The following ERI3 variants were observed in gnomAD, a reference collection of about 807,000 sequenced individuals.
The protein encoded by ERI3 is ERI1 exoribonuclease family member 3, also known as ERI1 exoribonuclease 3.
ERI3 carries 18 observed loss-of-function variants against 44.4 expected under a neutral mutation model. The observed-to-expected ratio is 0.41, with a 90% CI of 0.28 to 0.60. The LOEUF is 0.60. ERI3 is among the 20% of genes least tolerant of loss of function. The pLI is 0.36. For synonymous variants in ERI3, 183 were observed against 164.8 expected (o/e 1.11, Z -0.84); for missense variants, 294 against 435.5 (o/e 0.68, Z 2.89).
intron 6 of ERI3, among the ~76,000 whole-genome samples, chr1:44,286,942 T>A (rs898567111): frequency 6.6e-6 from 1 of 152,230 alleles, no homozygotes; most frequent in South Asian, 2.1e-4. Flanking sequence ...CCTATCCCCA[T>A]TCCCAAAGGG....
chr1:44,338,346 G>C (rs916740740), intron 3 of ERI3, among the ~76,000 whole-genome samples: 1 of 152,138 alleles, frequency 6.6e-6, no homozygotes, highest in African/African-American at 2.4e-5. Flanking sequence ...ATGTCCACCG[G>C]GGCTGCAGTC....
rs1217205131 is a variant in ERI3 at position 44,308,187 on chromosome 1, T to C, written c.758+123A>G. ...GCTCCCAACCGTCTTCTATCCCTGA[T>C]AGCCTCAAAGACCTGAAGAATCCCT... On this transcript the variant is annotated intron_variant, in intron 6 of 8. Transcript: ENST00000372257. 9 of 741,860 alleles carry C rather than the reference T, an allele frequency of 1.2e-5. No homozygotes were observed. In the South Asian group the frequency reaches 1.3e-4, roughly 11 times the overall value. 46.0% of individuals were successfully genotyped at this position (741,860 alleles called of 1,614,324 possible).
intron 7 of ERI3, among the ~76,000 whole-genome samples, 157 bp downstream of exon 7, chr1:44,284,678 T>C (rs977121084): frequency 6.6e-6 from 1 of 151,900 alleles, no homozygotes; most frequent in African/African-American, 2.4e-5. Context: ...TAACCACATT[T>C]CAGTGCATAT....
At chr1:44,244,627 C>G (rs548043551) in intron 8 of ERI3, among the ~76,000 whole-genome samples, 10 of 152,080 alleles carry the variant, frequency 6.6e-5, no homozygotes, top group Non-Finnish European at 1.3e-4. Context: ...GCTTACCTTG[C>G]TGCCCCTCCC....
At chr1:44,311,590 C>T (rs1257015263) in intron 5 of ERI3, among the ~76,000 whole-genome samples, 2 of 152,118 alleles carry the variant, frequency 1.3e-5, no homozygotes, top group Admixed American at 1.3e-4. Context: ...CAGGGCTGGC[C>T]TAGGGTTAAC....
intron 3 of ERI3, chr1:44,322,840 A>C (rs1335917367): frequency 6.5e-7 from 1 of 1,549,384 alleles, no homozygotes; most frequent in Non-Finnish European, 8.7e-7. Flanking sequence ...ACAACTCTGC[A>C]GCCAGGGCAC....
At position 44,339,437 on chromosome 1, in the gene ERI3, AG is replaced by A. The variant is rs1017431875; in HGVS notation, c.212-116del. The A allele has an allele frequency of 4.3e-6, 5 of 1,150,846 alleles. No individual in the cohort carries two copies. The African/African-American group carries it at 7.9e-5, about 18-fold the overall frequency. The allele number at this position is 1,150,846 out of a possible 1,614,324, so 71.3% of individuals were successfully genotyped here. ...TGTGGCCCTGTTCCATCTAGTCTTC[AG>A]GAATATCCACGCAACATGGGCCACT... On this transcript the variant is annotated intron_variant, in intron 2 of 8. Coordinates refer to ENST00000372257, the MANE Select transcript of ERI3 (RefSeq NM_024066.3).
At chr1:44,336,472 G>A (rs1412822473) in intron 3 of ERI3, among the ~76,000 whole-genome samples, 1 of 152,204 alleles carries the variant, frequency 6.6e-6, no homozygotes, top group Non-Finnish European at 1.5e-5. Context: ...GCATTGTAGA[G>A]GTTTAATGAA....
chr1:44,313,219 T>C lies in ERI3; in HGVS notation c.616A>G (p.Ile206Val). ...TGACCATCCACCATGGCTTGAATAA[T>C]CCCGGTGAGCTGAAAGGAAAGAGAA... ...LTPFCTELTG[I>V]IQAMVDGQPS... The change falls in exon 5 of 9, where the codon ATT (isoleucine) becomes GTT (valine). Residue 206 changes from isoleucine to valine, a missense_variant. By Grantham distance (29) the Ile-to-Val change is conservative (BLOSUM62 3). This residue lies in a region of ERI3 where 187 missense variants were observed against 338.6 expected (regional missense o/e 0.55). Transcript: ENST00000372257. 1 of 1,614,066 alleles carries C rather than the reference T, an allele frequency of 6.2e-7. No individual in the cohort carries two copies. The highest frequency in any genetic ancestry group is 8.5e-7 in the Non-Finnish European group (1 of 1,180,004).
At chr1:44,322,259 G>T (rs1646218581) in intron 3 of ERI3, among the ~76,000 whole-genome samples, 1 of 152,078 alleles carries the variant, frequency 6.6e-6, no homozygotes, top group Non-Finnish European at 1.5e-5. Flanking sequence ...AGCAAATACT[G>T]TAGCTCAATA....
chr1:44,247,524 T>A (rs1344219473), intron 8 of ERI3, among the ~76,000 whole-genome samples: 3 of 152,184 alleles, frequency 2.0e-5, no homozygotes, highest in Non-Finnish European at 4.4e-5. Context: ...ATAATTCATC[T>A]CCTTAACTCC....
rs543996699 is a variant in ERI3, at chr1:44,294,296, A to G, written c.759-9389T>C. Among the ~76,000 whole-genome samples the G allele has an allele frequency of 7.2e-5, 11 of 152,292 alleles. No individual in the cohort carries two copies. The South Asian group carries it at 2.3e-3, about 32-fold the overall frequency. On this transcript the variant is annotated intron_variant, in intron 6 of 8. Transcript: ENST00000372257. The stretch of plus-strand genomic sequence containing the variant: ...ATGTTGCTCAAATCCCTAGTGCCAA[A>G]GTTGCTCAAAGTCTCCAAAAGACAC...
intron 7 of ERI3, among the ~76,000 whole-genome samples, chr1:44,281,876 A>T (rs1429000052): frequency 2.1e-5 from 2 of 96,772 alleles, no homozygotes; most frequent in Non-Finnish European, 4.6e-5. Context: ...ATACATGTGC[A>T]TATGTGTGTG....
intron 6 of ERI3, among the ~76,000 whole-genome samples, chr1:44,292,055 A>G (rs1645518038): frequency 6.6e-6 from 1 of 152,210 alleles, no homozygotes; most frequent in Admixed American, 6.5e-5. Flanking sequence ...CATGCTTTAC[A>G]AATAAGGCCT....
At chr1:44,343,436 G>A (rs916190360) in intron 2 of ERI3, among the ~76,000 whole-genome samples, 5 of 152,146 alleles carry the variant, frequency 3.3e-5, no homozygotes, top group African/African-American at 7.2e-5. Context: ...ATCACACGAC[G>A]AGAAGAACAA....
At chr1:44,269,318 G>A (rs538200894) in intron 7 of ERI3, among the ~76,000 whole-genome samples, 19 of 152,140 alleles carry the variant, frequency 1.2e-4, no homozygotes, top group Non-Finnish European at 2.6e-4. Flanking sequence ...CAGAGCCCAC[G>A]TCTTTAGTTT....
chr1:44,286,834 G>GA (rs1253860038), intron 6 of ERI3, among the ~76,000 whole-genome samples: 1 of 152,162 alleles, frequency 6.6e-6, no homozygotes, highest in Admixed American at 6.5e-5. Flanking sequence ...TGAGAGTCCA[G>GA]AAAGCTTCCA....
chr1:44,297,298 A>G (rs1250682392), intron 6 of ERI3, among the ~76,000 whole-genome samples: 4 of 152,050 alleles, frequency 2.6e-5, no homozygotes, highest in African/African-American at 4.8e-5. Flanking sequence ...CTAAGCCCCC[A>G]GAGTCCACAA....
chr1:44,319,748 G>T lies in ERI3; in HGVS notation c.490-4C>A. On this transcript the variant is annotated splice_region_variant and splice_polypyrimidine_tract_variant and intron_variant, in intron 3 of 8. Transcript: ENST00000372257. ...GGATGGGGAACTCGATGATTTCCTGGAGTGCCAAAGATACAGAAAAGGAAA... is the reference window on the plus strand; with the variant it reads ...GGATGGGGAACTCGATGATTTCCTGTAGTGCCAAAGATACAGAAAAGGAAA... 1 of 1,593,032 alleles carries T rather than the reference G, an allele frequency of 6.3e-7. No individual in the cohort carries two copies. Among genetic ancestry groups the T allele is most frequent in the Non-Finnish European group, 8.6e-7 (1 of 1,161,140 alleles).
Sources: allele counts gnomAD v4.1 joint callset (sites outside exome capture counted in the v4.1 genomes callset), GRCh38; gene constraint gnomAD v4.1.1; regional missense constraint gnomAD v4.1.1; transcripts MANE v1.5; gene names NCBI Gene and HGNC (gene_info 2026-07-23, HGNC 2026-07-21).